The following FRMD4A variants were observed in gnomAD, a reference collection of about 807,000 sequenced individuals.
FRMD4A encodes FERM domain containing 4A.
Under a neutral mutation model 129.1 loss-of-function variants are expected in FRMD4A, and 29 were observed. That is an observed-to-expected ratio of 0.22 (90% CI 0.17 to 0.31). The LOEUF (loss-of-function observed/expected upper bound fraction) is 0.31, where lower values mean the gene tolerates loss of function less well. FRMD4A is among the 10% of genes least tolerant of loss of function. The pLI, the probability that FRMD4A is intolerant of heterozygous loss-of-function variation, is 1.00. For synonymous variants in FRMD4A, 634 were observed against 571.6 expected, an observed-to-expected ratio of 1.11 and a Z score of -1.56; for missense variants, 1,272 against 1,375.8, an observed-to-expected ratio of 0.92 and a Z score of 1.19.
In FRMD4A at chr10:13,699,224, G is replaced by GTTTTTT. The variant is rs1168489802; in HGVS notation, c.975+2110_975+2115dup. Among the ~76,000 whole-genome samples the GTTTTTT allele has an allele frequency of 9.2e-3, 701 of 76,012 alleles. 13 individuals are homozygous for GTTTTTT. The highest frequency in any genetic ancestry group is 0.038 in the East Asian group (73 of 1,938). 49.9% of individuals were successfully genotyped at this position (76,012 alleles called of 152,430 possible). A position where few individuals can be genotyped will look rare whatever the true frequency, so the allele number is the denominator to read the frequency against. ...ATGCCTGCCACGATGCTTGGTTATT[G>GTTTTTT]TTTTTTTTTTTTTTTTTTTTTTTTG... On this transcript the variant is annotated intron_variant, in intron 14 of 24. Transcript: ENST00000357447.
At chr10:13,894,781 A>G (rs751470756) in intron 2 of FRMD4A, among the ~76,000 whole-genome samples, 1 of 152,144 alleles carries the variant, frequency 6.6e-6, no homozygotes, top group Non-Finnish European at 1.5e-5. Flanking sequence ...CAGGTACTTA[A>G]TATATCACCA....
At chr10:14,107,400 C>T (rs1034749670) in intron 2 of FRMD4A, among the ~76,000 whole-genome samples, 1 of 152,070 alleles carries the variant, frequency 6.6e-6, no homozygotes, top group Admixed American at 6.5e-5. Context: ...TTAAATAGTT[C>T]CTCCCTGTGT....
intron 17 of FRMD4A, 46 bp from the exon 18 acceptor site, chr10:13,666,371 A>G (rs1230060646): frequency 6.0e-6 from 8 of 1,340,716 alleles, no homozygotes; most frequent in Non-Finnish European, 7.5e-6. Flanking sequence ...GATGCTGAGC[A>G]GGGAGACCCT....
intron 3 of FRMD4A, among the ~76,000 whole-genome samples, chr10:13,830,917 G>T (rs2093780417): frequency 6.6e-6 from 1 of 152,156 alleles, no homozygotes. Flanking sequence ...AGCCTCCCAA[G>T]TAGCTGGGAT....
At chr10:13,896,218 A>G (rs2094756524) in intron 2 of FRMD4A, among the ~76,000 whole-genome samples, 2 of 152,224 alleles carry the variant, frequency 1.3e-5, no homozygotes, top group African/African-American at 2.4e-5. Flanking sequence ...ACACATGCAC[A>G]TATATGTTTA....
At chr10:14,126,235 A>G (rs914262127) in intron 2 of FRMD4A, among the ~76,000 whole-genome samples, 1 of 137,726 alleles carries the variant, frequency 7.3e-6, no homozygotes. Context: ...CAGTGGTGCG[A>G]TCTTGGCTCA....
chr10:13,753,126 A>G (rs745548955), intron 8 of FRMD4A, among the ~76,000 whole-genome samples: 17 of 152,266 alleles, frequency 1.1e-4, no homozygotes, highest in Non-Finnish European at 2.5e-4. Context: ...GAGGGAAGTT[A>G]TAGATTTTCA....
At position 14,129,303 on chromosome 10, in the gene FRMD4A, CA is replaced by C. The variant is rs11370729; in HGVS notation, c.45+200754del. On this transcript the variant is annotated intron_variant, in intron 2 of 24. Coordinates refer to ENST00000357447, the MANE Select transcript of FRMD4A (RefSeq NM_018027.5). ...TTTATTCATTAGAAAAACAATGAAACAAAAAAATCGCTCTGAGAGCCTCAGG... is the reference window on the plus strand; with the variant it reads ...TTTATTCATTAGAAAAACAATGAAACAAAAAATCGCTCTGAGAGCCTCAGG... 3.6e-5 allele frequency among the ~76,000 whole-genome samples: 5 copies of C among 139,166 alleles called. No homozygotes were observed. In the South Asian group the frequency reaches 6.9e-4, roughly 19 times the overall value. 91.3% of individuals were successfully genotyped at this position (139,166 alleles called of 152,430 possible).
chr10:14,312,961 C>A (rs11259005), intron 2 of FRMD4A, among the ~76,000 whole-genome samples: 36,449 of 152,128 alleles, frequency 0.24, 4,811 homozygotes, highest in Middle Eastern at 0.31. Context: ...AAAGGATACA[C>A]AAGAAACTAA....
At chr10:14,285,496 G>T (rs1303911038) in intron 2 of FRMD4A, among the ~76,000 whole-genome samples, 5 of 152,204 alleles carry the variant, frequency 3.3e-5, no homozygotes, top group African/African-American at 1.2e-4. Context: ...GCCCATGGAG[G>T]CATGTGGAAA....
At chr10:14,223,763 A>AAAAAG (rs1206702742) in intron 2 of FRMD4A, among the ~76,000 whole-genome samples, 3 of 125,218 alleles carry the variant, frequency 2.4e-5, no homozygotes, top group African/African-American at 6.3e-5. Flanking sequence ...AAAAAAAAAA[A>AAAAAG]AGAGAGAGAG....
intron 2 of FRMD4A, among the ~76,000 whole-genome samples, chr10:13,974,453 T>C (rs2095533785): frequency 6.6e-6 from 1 of 152,150 alleles, no homozygotes; most frequent in South Asian, 2.1e-4. Flanking sequence ...GACAGTGCCG[T>C]TGGAGGATGC....
At chr10:14,205,780 C>A (rs1455428082) in intron 2 of FRMD4A, among the ~76,000 whole-genome samples, 6 of 144,504 alleles carry the variant, frequency 4.2e-5, no homozygotes, top group Non-Finnish European at 9.0e-5. Context: ...GCACTCCAGC[C>A]TGGGCGACAG....
At chr10:13,702,831 T>A (rs2086978691) in intron 13 of FRMD4A, among the ~76,000 whole-genome samples, 1 of 151,464 alleles carries the variant, frequency 6.6e-6, no homozygotes, top group African/African-American at 2.4e-5. Context: ...ACCCTCACTT[T>A]TAAGGAGAAA....
At chr10:14,144,013 A>C (rs571647037) in intron 2 of FRMD4A, among the ~76,000 whole-genome samples, 41 of 152,292 alleles carry the variant, frequency 2.7e-4, no homozygotes, top group African/African-American at 8.9e-4. Flanking sequence ...CTGAGCTAGT[A>C]CAAAGGGGAT....
At chr10:14,249,640 C>G (rs1003216120) in intron 2 of FRMD4A, among the ~76,000 whole-genome samples, 1 of 152,200 alleles carries the variant, frequency 6.6e-6, no homozygotes, top group Non-Finnish European at 1.5e-5. Context: ...AGGAATGTCA[C>G]TGAAAGAAAT....
At chr10:13,901,686 G>T (rs184666982) in intron 2 of FRMD4A, among the ~76,000 whole-genome samples, 200 of 152,078 alleles carry the variant, frequency 1.3e-3, no homozygotes, top group African/African-American at 4.6e-3. Flanking sequence ...TATTGTGAAG[G>T]TTTATGTGCA....
intron 3 of FRMD4A, among the ~76,000 whole-genome samples, chr10:13,856,216 AAGTGTGTGTGTGTG>A (rs757664096): frequency 9.3e-6 from 1 of 107,580 alleles, no homozygotes; most frequent in East Asian, 2.6e-4. Context: ...GATTTTGTGC[AAGTGTGTGTGTGTG>A]TGTGTGTGTG....
intron 2 of FRMD4A, among the ~76,000 whole-genome samples, chr10:14,228,975 A>C: frequency 6.6e-6 from 1 of 152,218 alleles, no homozygotes; most frequent in Non-Finnish European, 1.5e-5. Context: ...CAGTAGCATT[A>C]AAATATGCCC....
Sources: allele counts gnomAD v4.1 joint callset (sites outside exome capture counted in the v4.1 genomes callset), GRCh38; gene constraint gnomAD v4.1.1; transcripts MANE v1.5; gene names NCBI Gene and HGNC (gene_info 2026-07-23, HGNC 2026-07-21).